ZNF229: variants seen among roughly 807,000 people sequenced by gnomAD.
The protein encoded by ZNF229 is zinc finger protein 229.
A neutral mutation model predicts 11.8 loss-of-function variants in ZNF229; 10 were observed. That is an observed-to-expected ratio of 0.85 (90% CI 0.52 to 1.44). ZNF229 has a LOEUF of 1.44. Among genes scored for constraint, ZNF229 ranks in the 40% most tolerant of loss-of-function variants. ZNF229 has a pLI of 0.00. For synonymous variants in ZNF229, 368 were observed against 374.8 expected, an observed-to-expected ratio of 0.98 and a Z score of 0.21; for missense variants, 1,045 against 1,015.1, an observed-to-expected ratio of 1.03 and a Z score of -0.40.
rs566355184 is a variant in ZNF229, at chr19:44,427,935, C to G, written c.*368G>C. 36 of 186,144 alleles carry G rather than the reference C, an allele frequency of 1.9e-4. No individual in the cohort carries two copies. The highest frequency in any genetic ancestry group is 8.0e-4 in the African/African-American group (34 of 42,396). 11.5% of individuals were successfully genotyped at this position (186,144 alleles called of 1,614,324 possible). ...TCTACACTGTCCCATTGGTAGCTAT[C>G]AACCCACACAAAGAATCTATGTCCA... On this transcript the variant is annotated 3_prime_UTR_variant, in exon 6 of 6. Transcript: ENST00000614049.
Position 44,430,021 on chromosome 19 carries a change from C to G in ZNF229, c.760G>C (p.Val254Leu), listed in dbSNP as rs1378880153. 12 of 1,614,156 alleles carry G rather than the reference C, an allele frequency of 7.4e-6. No homozygotes were observed. Among genetic ancestry groups the G allele is most frequent in the Admixed American group, 1.7e-5 (1 of 60,026 alleles). ...TCTCCAGGGTTAATGCGATGAAGTA[C>G]AGAGTTTTTAATGCAGTCTTTTCTG... ...KCRKDCIKNS[V>L]LHRINPGENG... The change falls in exon 6 of 6, where the codon GTA (valine) becomes CTA (leucine). Residue 254 changes from valine to leucine, a missense_variant. Coordinates refer to ENST00000614049, the MANE Select transcript of ZNF229 (RefSeq NM_014518.4).
chr19:44,443,729 A>AG (rs1322202882), intron 2 of ZNF229, among the ~76,000 whole-genome samples: 5 of 152,228 alleles, frequency 3.3e-5, no homozygotes, highest in African/African-American at 1.2e-4. Flanking sequence ...ATATGACATA[A>AG]AAATATCTAT....
Position 44,430,433 on chromosome 19 carries a change from T to C in ZNF229, c.348A>G (p.Leu116=). Residue 116 remains leucine, a synonymous_variant, in exon 6 of 6, where the codon TTA becomes TTG. Coordinates refer to ENST00000614049, the MANE Select transcript of ZNF229 (RefSeq NM_014518.4). ...CKIWEEVAGE[L]PGSQDCRVNL... ...TTACTCTACAGTCTTGGCTCCCAGG[T>C]AATTCACCTGCCACCTCTTCCCAGA... The C allele has an allele frequency of 6.2e-7, 1 of 1,614,162 alleles. No homozygotes were observed. The highest frequency in any genetic ancestry group is 8.5e-7 in the Non-Finnish European group (1 of 1,180,026).
chr19:44,447,900 T>C (rs1040452900), intron 1 of ZNF229, among the ~76,000 whole-genome samples: 3 of 152,208 alleles, frequency 2.0e-5, no homozygotes, highest in African/African-American at 7.2e-5. Flanking sequence ...GACTGTCACA[T>C]GCTGTGGGAC....
intron 2 of ZNF229, among the ~76,000 whole-genome samples, chr19:44,446,912 C>A (rs1216038360): frequency 6.6e-6 from 1 of 152,136 alleles, no homozygotes; most frequent in East Asian, 1.9e-4. Flanking sequence ...ATCAGGTGGT[C>A]AGGGACAGTC....
In ZNF229 at chr19:44,429,631, T is replaced by C; in HGVS notation, c.1150A>G (p.Lys384Glu). The stretch of plus-strand genomic sequence containing the variant: ...AGGTTTGAACTTCGACCAAATGCCT[T>C]CCCACACTCCTCACATTTATAGGGT... ...RRPYKCEECG[K>E]AFGRSSNLLV... is the part of the protein sequence containing the mutation. The change falls in exon 6 of 6, where the codon AAG (lysine) becomes GAG (glutamate). Residue 384 changes from lysine (K) to glutamate (E), a missense_variant. Lys to Glu is a moderately conservative substitution (Grantham distance 56). Coordinates refer to ENST00000614049, the MANE Select transcript of ZNF229 (RefSeq NM_014518.4). 1 of 1,614,118 alleles carries C rather than the reference T, an allele frequency of 6.2e-7. No individual in the cohort carries two copies. Among genetic ancestry groups the C allele is most frequent in the East Asian group, 2.2e-5 (1 of 44,882 alleles).
intron 5 of ZNF229, chr19:44,431,682 G>T: frequency 1.2e-6 from 1 of 855,218 alleles, no homozygotes; most frequent in Non-Finnish European, 1.4e-6. Flanking sequence ...AAGGGGTGAG[G>T]AATGGGACCT....
chr19:44,431,752 C>T (rs1971726071), intron 5 of ZNF229: 1 of 986,936 alleles, frequency 1.0e-6, no homozygotes, highest in Non-Finnish European at 1.2e-6. Context: ...GACCTCTAGG[C>T]CTCATGGTTC....
chr19:44,431,788 T>C, intron 5 of ZNF229: 9 of 987,832 alleles, frequency 9.1e-6, no homozygotes, highest in East Asian at 1.1e-4. Flanking sequence ...TTTCTTGGAG[T>C]TTCTCCATCT....
In ZNF229 at chr19:44,427,549, GC is replaced by G. The variant is rs1555725018; in HGVS notation, c.*753del. The G allele has an allele frequency of 2.0e-5, 3 of 151,240 alleles. No individual in the cohort carries two copies. Among genetic ancestry groups the G allele is most frequent in the Non-Finnish European group, 4.4e-5 (3 of 67,922 alleles). The allele number at this position is 151,240 out of a possible 1,614,324, so 9.4% of individuals were successfully genotyped here. On this transcript the variant is annotated 3_prime_UTR_variant, in exon 6 of 6. Coordinates refer to ENST00000614049, the MANE Select transcript of ZNF229 (RefSeq NM_014518.4). ...GAAAAAAAATCAGCATTTCAAAGAC[GC>G]CACATTCTTTCAAAATTAACCTATA... is the stretch of plus-strand genomic sequence containing the variant.
chr19:44,433,347 T>A (rs1187022807), intron 4 of ZNF229, among the ~76,000 whole-genome samples: 1 of 152,122 alleles, frequency 6.6e-6, no homozygotes, highest in African/African-American at 2.4e-5. Flanking sequence ...GGTGAGCCAC[T>A]GATATTTGGA....
chr19:44,434,591 T>C (rs986829751), intron 4 of ZNF229, among the ~76,000 whole-genome samples: 1 of 152,230 alleles, frequency 6.6e-6, no homozygotes, highest in Non-Finnish European at 1.5e-5. Context: ...ATTACTGTAA[T>C]ATCATTGCTG....
At chr19:44,434,339 C>G (rs747531102) in intron 4 of ZNF229, among the ~76,000 whole-genome samples, 36 of 152,240 alleles carry the variant, frequency 2.4e-4, no homozygotes, top group Non-Finnish European at 2.5e-4. Context: ...CCCCTCTTCC[C>G]TTCCACACTC....
chr19:44,444,561 C>A (rs1438343905), intron 2 of ZNF229, among the ~76,000 whole-genome samples: 3 of 152,188 alleles, frequency 2.0e-5, no homozygotes, highest in Non-Finnish European at 4.4e-5. Flanking sequence ...ACCGCAATGC[C>A]ACTTAAACTC....
rs1217896462 is a variant in ZNF229 at position 44,428,885 on chromosome 19, C to T, written c.1896G>A (p.Glu632=). Residue 632 remains glutamate (E), a synonymous_variant, in exon 6 of 6, where the codon GAG becomes GAA. Transcript: ENST00000614049. ...AGCTGTAACTGAAGCCTTTGCCACA[C>T]TCAGCACATTTATAGGGTTTCTCTC... ...HTGEKPYKCA[E]CGKGFSYSSG... The T allele has an allele frequency of 6.2e-7, 1 of 1,613,414 alleles. No individual in the cohort carries two copies. The highest frequency in any genetic ancestry group is 1.3e-5 in the African/African-American group (1 of 74,648).
Position 44,429,102 on chromosome 19 carries a change from T to C in ZNF229, c.1679A>G (p.His560Arg), listed in dbSNP as rs773555286. The change falls in exon 6 of 6, where the codon CAC becomes CGC. Residue 560 changes from histidine (H) to arginine (R), a missense_variant. Physicochemically the swap from His to Arg is conservative, Grantham distance 29 (BLOSUM62 0). Coordinates refer to ENST00000614049, the MANE Select transcript of ZNF229 (RefSeq NM_014518.4). The stretch of plus-strand genomic sequence containing the variant: ...TCCTGTGTGGACCCTCTGATGGATG[T>C]GGAGGTCGGAGCTCCGGCCAAAGCT... ...GKSFGRSSDL[H>R]IHQRVHTGEK... 2 of 1,610,830 alleles carry C rather than the reference T, an allele frequency of 1.2e-6. No individual in the cohort carries two copies. Among genetic ancestry groups the C allele is most frequent in the South Asian group, 2.2e-5 (2 of 90,890 alleles).
intron 2 of ZNF229, 102 bp from the exon 3 acceptor site, chr19:44,443,126 T>C: frequency 3.9e-6 from 2 of 514,886 alleles, no homozygotes; most frequent in Non-Finnish European, 6.9e-6. Context: ...TACAGGACAT[T>C]TACTGAGTAC....
intron 2 of ZNF229, among the ~76,000 whole-genome samples, chr19:44,445,280 C>T (rs1027871196): frequency 4.6e-5 from 7 of 152,270 alleles, no homozygotes; most frequent in African/African-American, 1.7e-4. Context: ...TACTCCTGTT[C>T]GTTTCAGTCT....
chr19:44,432,381 C>A lies in ZNF229; in HGVS notation c.94-15G>T. On this transcript the variant is annotated splice_polypyrimidine_tract_variant and intron_variant, in intron 4 of 5. Transcript: ENST00000614049. ...CTCAATGGCTCCTAAAATGAAAAAC[C>A]ATTAACACAAACATCTACTAGATGA... The A allele has an allele frequency of 6.2e-7, 1 of 1,612,070 alleles. No homozygotes were observed. The highest frequency in any genetic ancestry group is 8.5e-7 in the Non-Finnish European group (1 of 1,179,498).
Sources: gnomAD v4.1 joint callset for allele counts (sites outside exome capture counted in the v4.1 genomes callset) on GRCh38, gnomAD v4.1.1 for gene constraint, MANE v1.5 for transcripts, NCBI Gene and HGNC (gene_info 2026-07-23, HGNC 2026-07-21) for gene names.